The following MGAT4C variants were observed in gnomAD, a reference collection of about 807,000 sequenced individuals.
MGAT4C encodes alpha-1,3-mannosyl-glycoprotein 4-beta-N-acetylglucosaminyltransferase C.
MGAT4C carries 19 observed loss-of-function variants against 40.1 expected under a neutral mutation model. The observed-to-expected ratio is 0.47, with a 90% confidence interval of 0.33 to 0.70. The LOEUF is 0.70. MGAT4C is among the 30% of genes least tolerant of loss of function. The pLI is 0.02. For missense variants in MGAT4C, 491 were observed against 563.2 expected, an observed-to-expected ratio of 0.87 and a Z score of 1.30; for synonymous variants, 181 against 187.1, an observed-to-expected ratio of 0.97 and a Z score of 0.27.
intron 2 of MGAT4C, among the ~76,000 whole-genome samples, chr12:86,564,910 G>T (rs1042963383): frequency 6.6e-5 from 10 of 152,168 alleles, no homozygotes; most frequent in African/African-American, 2.4e-4. Context: ...CAGATCCAAT[G>T]GTTCTTGAGG....
chr12:86,712,767 G>A (rs1207079924), intron 2 of MGAT4C, among the ~76,000 whole-genome samples: 1 of 152,030 alleles, frequency 6.6e-6, no homozygotes, highest in Non-Finnish European at 1.5e-5. Context: ...AAGCTCTACT[G>A]AGTTCACACA....
chr12:86,354,267 C>A (rs1268447131), intron 3 of MGAT4C, among the ~76,000 whole-genome samples: 1 of 151,768 alleles, frequency 6.6e-6, no homozygotes, highest in Non-Finnish European at 1.5e-5. Flanking sequence ...ACAAAACAAA[C>A]AAAAAAATCT....
intron 1 of MGAT4C, among the ~76,000 whole-genome samples, chr12:86,787,395 C>A (rs1446552088): frequency 6.6e-6 from 1 of 151,914 alleles, no homozygotes; most frequent in Non-Finnish European, 1.5e-5. Flanking sequence ...TGAGTCGATT[C>A]CATATTTTTT....
chr12:86,098,297 G>T (rs576138913), intron 1 of MGAT4C, among the ~76,000 whole-genome samples: 1 of 151,322 alleles, frequency 6.6e-6, no homozygotes, highest in Admixed American at 6.6e-5. Flanking sequence ...TTGTTATTTT[G>T]TTTCTTGGTA....
At position 86,536,114 on chromosome 12, in the gene MGAT4C, C is replaced by T. The variant is rs1391626756; in HGVS notation, c.-228-100849G>A. On this transcript the variant is annotated intron_variant, in intron 2 of 7. Coordinates refer to the MGAT4C transcript ENST00000548651. ...TTAAAGAACCATCCATGTTAATACA[C>T]AGTCTTGTGGATATGGCAGCATACA... 3.3e-5 allele frequency among the ~76,000 whole-genome samples: 5 copies of T among 152,026 alleles called. No individual in the cohort carries two copies. In the East Asian group the frequency reaches 7.7e-4, roughly 23 times the overall value.
chr12:86,363,492 T>TG (rs1955527976), intron 3 of MGAT4C, among the ~76,000 whole-genome samples: 1 of 152,002 alleles, frequency 6.6e-6, no homozygotes, highest in Non-Finnish European at 1.5e-5. Flanking sequence ...TAGCATTGAA[T>TG]GCTTACATTA....
In MGAT4C at chr12:86,550,959, G is replaced by T. The variant is rs538740425; in HGVS notation, c.-228-115694C>A. Among the ~76,000 whole-genome samples the T allele has an allele frequency of 2.6e-5, 4 of 152,314 alleles. No individual in the cohort carries two copies. The South Asian group carries it at 8.3e-4, about 32-fold the overall frequency. ...TGTGGGTGCCTATAATCAGGGCCGGGGAAACAGCCGTGCCTGTGGGTCACC... is the reference window on the plus strand; with the variant it reads ...TGTGGGTGCCTATAATCAGGGCCGGTGAAACAGCCGTGCCTGTGGGTCACC... On this transcript the variant is annotated intron_variant, in intron 2 of 7. Coordinates refer to the MGAT4C transcript ENST00000548651.
At chr12:86,340,624 A>G (rs780335600) in intron 3 of MGAT4C, among the ~76,000 whole-genome samples, 2 of 152,156 alleles carry the variant, frequency 1.3e-5, no homozygotes, top group Non-Finnish European at 2.9e-5. Flanking sequence ...TTTTGGTTAA[A>G]CTGGCAAGCA....
intron 3 of MGAT4C, among the ~76,000 whole-genome samples, chr12:86,369,543 G>C (rs1323368498): frequency 6.6e-6 from 1 of 151,702 alleles, no homozygotes; most frequent in Non-Finnish European, 1.5e-5. Context: ...GTATAAAATT[G>C]CTTATAGTTA....
At chr12:86,647,581 A>T (rs948976893) in intron 2 of MGAT4C, among the ~76,000 whole-genome samples, 1 of 151,872 alleles carries the variant, frequency 6.6e-6, no homozygotes, top group African/African-American at 2.4e-5. Flanking sequence ...TTCCTAGGAA[A>T]TTCTTCTTGG....
At chr12:86,587,594 C>T (rs1367961686) in intron 2 of MGAT4C, among the ~76,000 whole-genome samples, 1 of 151,964 alleles carries the variant, frequency 6.6e-6, no homozygotes, top group Non-Finnish European at 1.5e-5. Flanking sequence ...ATGGAATGTT[C>T]TTCCATTTGT....
intron 3 of MGAT4C, among the ~76,000 whole-genome samples, chr12:86,421,799 A>G (rs1956832342): frequency 6.6e-6 from 1 of 152,214 alleles, no homozygotes; most frequent in African/African-American, 2.4e-5. Context: ...ACCTTGGATT[A>G]AAAACCAAAT....
intron 2 of MGAT4C, among the ~76,000 whole-genome samples, chr12:86,694,624 T>C (rs549668794): frequency 6.6e-6 from 1 of 152,322 alleles, no homozygotes; most frequent in Admixed American, 6.5e-5. Flanking sequence ...AGGGTCACTT[T>C]AGAAGTGACC....
chr12:86,749,935 G>A (rs1403729623), intron 1 of MGAT4C, among the ~76,000 whole-genome samples: 2 of 151,712 alleles, frequency 1.3e-5, no homozygotes, highest in African/African-American at 4.8e-5. Flanking sequence ...GATTATAGGA[G>A]CAACTTTGGT....
intron 1 of MGAT4C, among the ~76,000 whole-genome samples, chr12:86,114,522 T>C (rs960880300): frequency 1.3e-5 from 2 of 152,014 alleles, no homozygotes; most frequent in African/African-American, 2.4e-5. Flanking sequence ...TGATTTTTTT[T>C]TCAAAATGAA....
intron 1 of MGAT4C, among the ~76,000 whole-genome samples, chr12:86,773,732 T>G (rs1951679127): frequency 6.6e-6 from 1 of 152,002 alleles, no homozygotes; most frequent in African/African-American, 2.4e-5. Context: ...TGTGTGTGCA[T>G]GTGTGTGTAT....
At chr12:86,151,278 G>C (rs1360286599) in intron 1 of MGAT4C, among the ~76,000 whole-genome samples, 1 of 151,100 alleles carries the variant, frequency 6.6e-6, no homozygotes, top group Admixed American at 6.6e-5. Flanking sequence ...TTACAAAATG[G>C]AAGTGAAATC....
At chr12:86,438,817 A>C (rs2136276001) in intron 2 of MGAT4C, among the ~76,000 whole-genome samples, 1 of 152,040 alleles carries the variant, frequency 6.6e-6, no homozygotes, top group South Asian at 2.1e-4. Flanking sequence ...GGCAAGCAGG[A>C]GTAGCTATTC....
At chr12:86,409,824 A>G (rs1055686000) in intron 3 of MGAT4C, among the ~76,000 whole-genome samples, 1 of 152,050 alleles carries the variant, frequency 6.6e-6, no homozygotes, top group African/African-American at 2.4e-5. Context: ...ACCAGCCCCC[A>G]ATTTTTCAAT....
Sources: gnomAD v4.1 joint callset for allele counts (sites outside exome capture counted in the v4.1 genomes callset) on GRCh38, gnomAD v4.1.1 for gene constraint, MANE v1.5 for transcripts, NCBI Gene and HGNC (gene_info 2026-07-23, HGNC 2026-07-21) for gene names.